ADAMTS13: variants seen among roughly 807,000 people sequenced by gnomAD.
The protein encoded by ADAMTS13 is A disintegrin and metalloproteinase with thrombospondin motifs 13.
ADAMTS13 carries 110 observed loss-of-function variants against 155.1 expected under a neutral mutation model. The observed-to-expected ratio is 0.71, with a 90% confidence interval of 0.61 to 0.83. ADAMTS13 has a LOEUF of 0.83. ADAMTS13 is among the 40% of genes least tolerant of loss of function. The pLI is 0.00. For synonymous variants in ADAMTS13, 758 were observed against 756.4 expected (o/e 1.00, Z -0.03); for missense variants, 1,707 against 1,891.7 (o/e 0.90, Z 1.81).
rs1554790444 is a variant in ADAMTS13, at chr9:133,440,534, G to C, written c.1968+9G>C. On this transcript the variant is annotated intron_variant, in intron 16 of 28. Coordinates refer to ENST00000355699, the MANE Select transcript of ADAMTS13 (RefSeq NM_139027.6). The surrounding 1 kb of genome is among the most constrained non-coding windows in gnomAD (Gnocchi z 4.3). ...AAGATGCTGACATCCAGGTCAGCAGGAGAGCCTGGGGGAGGCCAGTGGGGG... is the reference window on the plus strand; with the variant it reads ...AAGATGCTGACATCCAGGTCAGCAGCAGAGCCTGGGGGAGGCCAGTGGGGG... The C allele has an allele frequency of 6.3e-7, 1 of 1,593,738 alleles. No homozygotes were observed. The highest frequency in any genetic ancestry group is 1.7e-5 in the Admixed American group (1 of 58,216).
rs1554792354 is a variant in ADAMTS13, at chr9:133,445,726, G to T, written c.2638G>T (p.Ala880Ser). 1 of 1,612,724 alleles carries T rather than the reference G, an allele frequency of 6.2e-7. No homozygotes were observed. Among genetic ancestry groups the T allele is most frequent in the South Asian group, 1.1e-5 (1 of 91,044 alleles). The change falls in exon 21 of 29, where the codon GCT becomes TCT. Residue 880 changes from alanine (A) to serine (S), a missense_variant. Ala to Ser is a moderately conservative substitution (Grantham distance 99, BLOSUM62 1). Around this residue, in one of 3 missense-constraint regions of ADAMTS13, gnomAD observed 961 missense variants for 1,107.9 expected, o/e 0.87. Transcript: ENST00000355699. This position sits in a 1 kb window ranked among gnomAD's most constrained non-coding sequence, Gnocchi z 5.0. ...HLDATSAGEK[A>S]PSPWGSIRTG... ...GGATGCCACCTCTGCAGGGGAGAAGGCTCCCTCCCCATGGGGCAGCATCAG... is the reference window on the plus strand; with the variant it reads ...GGATGCCACCTCTGCAGGGGAGAAGTCTCCCTCCCCATGGGGCAGCATCAG...
chr9:133,418,157 C>T (rs1588145207), upstream of ADAMTS13: 1 of 411,248 alleles, frequency 2.4e-6, no homozygotes, highest in South Asian at 3.2e-5. Flanking sequence ...CATCCGGGGT[C>T]ATCGACCTCG....
intron 21 of ADAMTS13, among the ~76,000 whole-genome samples, chr9:133,446,123 T>C (rs938767640): frequency 1.3e-5 from 2 of 152,168 alleles, no homozygotes; most frequent in African/African-American, 4.8e-5. Flanking sequence ...AGAGAAACCT[T>C]AGCTTTAAGA....
rs1554783596 is a variant in ADAMTS13, at chr9:133,422,410, C to G, written c.-34C>G. On this transcript the variant is annotated 5_prime_UTR_variant, in exon 1 of 29. Coordinates refer to ENST00000355699, the MANE Select transcript of ADAMTS13 (RefSeq NM_139027.6). The stretch of plus-strand genomic sequence containing the variant: ...TCCCAGTCACCAAGGCCCCCTCTCA[C>G]TCCGCTCCACTCCTCGGGCTGGCTC... The G allele has an allele frequency of 1.3e-6, 2 of 1,598,902 alleles. No homozygotes were observed. Among genetic ancestry groups the G allele is most frequent in the Non-Finnish European group, 8.6e-7 (1 of 1,169,196 alleles).
At chr9:133,443,716 G>A (rs2130882793) in intron 19 of ADAMTS13, among the ~76,000 whole-genome samples, 155 bp downstream of exon 19, 1 of 152,290 alleles carries the variant, frequency 6.6e-6, no homozygotes, top group East Asian at 1.9e-4. Flanking sequence ...GCGGTTGTAA[G>A]TGCTGCTGTC....
At position 133,414,995 on chromosome 9, in the gene ADAMTS13, T is replaced by C. The variant is rs1839486734; in HGVS notation, n.287+351T>C. ...AAGAGGCTTTTCTGGGGCCTGAGAT[T>C]TTTGTTTCAGCAGCCACTGGGACCC... On this transcript the variant is annotated intron_variant and non_coding_transcript_variant, in intron 1 of 17. Coordinates refer to the ADAMTS13 transcript ENST00000485925. The C allele has an allele frequency of 1.9e-6, 3 of 1,582,412 alleles. No homozygotes were observed. The East Asian group carries it at 6.7e-5, about 35-fold the overall frequency.
Position 133,440,369 on chromosome 9 carries a change from C to T in ADAMTS13, c.1812C>T (p.Val604=), listed in dbSNP as rs782726724. 1.1e-5 allele frequency: 18 copies of T among 1,613,872 alleles called. No homozygotes were observed. Among genetic ancestry groups the T allele is most frequent in the South Asian group, 4.4e-5 (4 of 91,092 alleles). Residue 604 remains valine, a synonymous_variant, in exon 16 of 29, where the codon GTC becomes GTT. Transcript: ENST00000355699. This position sits in a 1 kb window ranked among gnomAD's most constrained non-coding sequence, Gnocchi z 4.3. ...HLAVRIGGRY[V]VAGKMSISPN... ...CGGTGAGGATCGGAGGGCGCTATGTCGTGGCTGGGAAGATGAGCATCTCCC... is the reference window on the plus strand; with the variant it reads ...CGGTGAGGATCGGAGGGCGCTATGTTGTGGCTGGGAAGATGAGCATCTCCC...
upstream of ADAMTS13, chr9:133,422,155 T>C: frequency 1.9e-6 from 1 of 523,774 alleles, no homozygotes; most frequent in South Asian, 2.4e-5. Flanking sequence ...AGGCCTCCTC[T>C]AAGGGGGTGG....
At chr9:133,417,809 GGC>G (rs1839760250), upstream of ADAMTS13, 1 of 1,605,998 alleles carries the variant, frequency 6.2e-7, no homozygotes, top group Non-Finnish European at 8.5e-7. Flanking sequence ...GGCTGCTCGG[GGC>G]GCGCTTGGAG....
At position 133,430,056 on chromosome 9, in the gene ADAMTS13, C is replaced by T. The variant is rs902169055; in HGVS notation, c.942C>T (p.Ala314=). ...GCGCCAACGAGCAGTGCCGCGTGGC[C>T]TTCGGCCCCAAGGCTGTCGCCTGCA... The part of the protein sequence containing the change: ...YYSANEQCRV[A]FGPKAVACTF... The change falls in exon 8 of 29, where the codon GCC becomes GCT. Residue 314 remains alanine, a synonymous_variant. Transcript: ENST00000355699. 6.3e-7 allele frequency: 1 copy of T among 1,595,678 alleles called. No individual in the cohort carries two copies. Among genetic ancestry groups the T allele is most frequent in the Non-Finnish European group, 8.5e-7 (1 of 1,176,478 alleles).
upstream of ADAMTS13, among the ~76,000 whole-genome samples, chr9:133,419,027 C>A (rs889235214): frequency 1.3e-5 from 2 of 152,058 alleles, no homozygotes; most frequent in African/African-American, 4.8e-5. Context: ...TTTTAGTAGA[C>A]CTGGGGTTTC....
intron 23 of ADAMTS13, among the ~76,000 whole-genome samples, chr9:133,453,367 C>T (rs1037757145): frequency 3.3e-5 from 5 of 152,050 alleles, no homozygotes; most frequent in South Asian, 2.1e-4. Context: ...ACCCAGGAGG[C>T]GGAGCTTGCA....
At chr9:133,428,809 A>T in intron 7 of ADAMTS13, 38 bp downstream of exon 7, 1 of 1,258,012 alleles carries the variant, frequency 7.9e-7, no homozygotes, top group Non-Finnish European at 1.0e-6. Context: ...GCGAGCCTCC[A>T]GCCAGCCCGC....
intron 6 of ADAMTS13, 104 bp from the exon 7 acceptor site, chr9:133,428,530 G>A: frequency 1.6e-6 from 1 of 644,958 alleles, no homozygotes. Flanking sequence ...CTGGCGCTGC[G>A]GCACTAGGGC....
chr9:133,446,176 T>C (rs1339509387), intron 21 of ADAMTS13, among the ~76,000 whole-genome samples: 1 of 152,234 alleles, frequency 6.6e-6, no homozygotes, highest in Non-Finnish European at 1.5e-5. Context: ...TTTATTGCAG[T>C]ATAACACAGA....
At position 133,455,148 on chromosome 9, in the gene ADAMTS13, A is replaced by G. The variant is rs1055133900; in HGVS notation, c.3250-137A>G. 11 of 967,122 alleles carry G rather than the reference A, an allele frequency of 1.1e-5. No homozygotes were observed. The African/African-American group carries it at 1.6e-4, about 14-fold the overall frequency. 59.9% of individuals were successfully genotyped at this position (967,122 alleles called of 1,614,324 possible). On this transcript the variant is annotated intron_variant, in intron 24 of 28. Transcript: ENST00000355699. ...GCCCTCTCTGAGCCTCAGTTTTCTC[A>G]TCTGTGGAATGGAGACACTTAACTG...
Position 133,424,293 on chromosome 9 carries a change from G to GCCCTCTGCTCTCCCTCTCC in ADAMTS13, c.173-22_173-4dup, listed in dbSNP as rs1564407456. 6.2e-7 allele frequency: 1 copy of GCCCTCTGCTCTCCCTCTCC among 1,609,076 alleles called. No homozygotes were observed. The highest frequency in any genetic ancestry group is 1.1e-5 in the South Asian group (1 of 90,984). On this transcript the variant is annotated intron_variant, in intron 2 of 28. Transcript: ENST00000355699. The surrounding 1 kb of genome is among the most constrained non-coding windows in gnomAD (Gnocchi z 4.3). Reference sequence around the variant, plus strand: ...CCACTGCTTGCTCTCTAGAACCATCGCCCTCTGCTCTCCCTCTCCCCCTCC... The same window carrying GCCCTCTGCTCTCCCTCTCC: ...CCACTGCTTGCTCTCTAGAACCATCGCCCTCTGCTCTCCCTCTCCCCCTCTGCTCTCCCTCTCCCCCTCC...
At chr9:133,454,243 G>GT (rs1554795009) in intron 23 of ADAMTS13, among the ~76,000 whole-genome samples, 172 bp from the exon 24 acceptor site, 1 of 152,176 alleles carries the variant, frequency 6.6e-6, no homozygotes, top group East Asian at 1.9e-4. Flanking sequence ...TCCTGTGGCC[G>GT]TGAGCCCTGG....
intron 28 of ADAMTS13, 152 bp downstream of exon 28, chr9:133,458,246 C>A: frequency 1.0e-6 from 1 of 1,001,472 alleles, no homozygotes; most frequent in Non-Finnish European, 1.5e-6. Context: ...CACATATTCA[C>A]CAAGAAATGT....
Sources: allele counts gnomAD v4.1 joint callset (sites outside exome capture counted in the v4.1 genomes callset), GRCh38; gene constraint gnomAD v4.1.1; regional missense constraint gnomAD v4.1.1; non-coding constraint Gnocchi (gnomAD v3.1); transcripts MANE v1.5; gene names NCBI Gene and HGNC (gene_info 2026-07-23, HGNC 2026-07-21).